ATP2B2: variants seen among roughly 807,000 people sequenced by gnomAD.
ATP2B2 encodes the protein ATPase plasma membrane Ca2+ transporting 2.
In ATP2B2, 15 loss-of-function variants were observed where a neutral mutation model predicts 120.0. The observed-to-expected ratio is 0.12, with a 90% CI of 0.08 to 0.19. The LOEUF (loss-of-function observed/expected upper bound fraction) is 0.19, where lower values mean the gene tolerates loss of function less well. Among genes scored for constraint, ATP2B2 ranks in the 10% least tolerant of loss-of-function variants. The pLI, the probability that ATP2B2 is intolerant of heterozygous loss-of-function variation, is 1.00. For missense variants in ATP2B2, 1,045 were observed against 1,719.8 expected (o/e 0.61, Z 6.94); for synonymous variants, 694 against 700.3 (o/e 0.99, Z 0.14).
At chr3:10,541,367 G>T (rs1019397673) in intron 2 of ATP2B2, among the ~76,000 whole-genome samples, 6 of 151,980 alleles carry the variant, frequency 3.9e-5, no homozygotes, top group Admixed American at 2.0e-4. Context: ...TTAGATTGTT[G>T]ATTTCAGAAT....
intron 8 of ATP2B2, among the ~76,000 whole-genome samples, chr3:10,380,330 C>T (rs73131227): frequency 0.011 from 1,745 of 152,140 alleles, 39 homozygotes; most frequent in African/African-American, 0.04. Flanking sequence ...GCTCTGCCTG[C>T]TCTGCCAACA....
At chr3:10,420,488 A>C (rs1174007942) in intron 2 of ATP2B2, among the ~76,000 whole-genome samples, 1 of 151,842 alleles carries the variant, frequency 6.6e-6, no homozygotes, top group African/African-American at 2.4e-5. Flanking sequence ...CGGCCCCCCG[A>C]GTAGCTGGGG....
chr3:10,656,011 G>A (rs1374048109), intron 1 of ATP2B2, among the ~76,000 whole-genome samples: 1 of 152,204 alleles, frequency 6.6e-6, no homozygotes, highest in African/African-American at 2.4e-5. Flanking sequence ...ACAATCCCTG[G>A]ATTGATGAGT....
chr3:10,459,503 G>C (rs1337653805), intron 1 of ATP2B2, among the ~76,000 whole-genome samples: 2 of 151,882 alleles, frequency 1.3e-5, no homozygotes, highest in Non-Finnish European at 2.9e-5. Context: ...ATCCTCTCTT[G>C]CACTGCCCAA....
At chr3:10,556,252 C>A (rs924611218) in intron 2 of ATP2B2, among the ~76,000 whole-genome samples, 1 of 152,114 alleles carries the variant, frequency 6.6e-6, no homozygotes, top group African/African-American at 2.4e-5. Flanking sequence ...GTTCTCCAGG[C>A]CAGGGATATG....
intron 16 of ATP2B2, among the ~76,000 whole-genome samples, chr3:10,349,512 C>T (rs971583638): frequency 3.3e-5 from 5 of 152,040 alleles, no homozygotes; most frequent in African/African-American, 1.2e-4. Flanking sequence ...CACCTAGGCT[C>T]AGCAAGTGGT....
chr3:10,403,625 T>C (rs1319880657), intron 3 of ATP2B2, among the ~76,000 whole-genome samples: 2 of 152,148 alleles, frequency 1.3e-5, no homozygotes, highest in Non-Finnish European at 2.9e-5. Flanking sequence ...GCCATTTCCA[T>C]GGAAAGGAAT....
At chr3:10,462,934 C>T (rs1022793903) in intron 1 of ATP2B2, among the ~76,000 whole-genome samples, 1 of 152,142 alleles carries the variant, frequency 6.6e-6, no homozygotes, top group Non-Finnish European at 1.5e-5. Flanking sequence ...GTGTTGGGTC[C>T]CACTGAGGGA....
Position 10,366,239 on chromosome 3 carries a change from C to A in ATP2B2, c.1659+5570G>T, listed in dbSNP as rs572821641. 1.2e-4 allele frequency among the ~76,000 whole-genome samples: 19 copies of A among 152,212 alleles called. No individual in the cohort carries two copies. In the East Asian group the frequency reaches 3.7e-3, roughly 29 times the overall value. On this transcript the variant is annotated intron_variant, in intron 12 of 22. Transcript: ENST00000360273. ...CTGAATTCAAGGGCTGTCTCTGCTT[C>A]CCCCCTTCCCCTTTCTCCTCGGCCC...
At chr3:10,479,878 C>G (rs560492307) in intron 1 of ATP2B2, among the ~76,000 whole-genome samples, 23 of 152,232 alleles carry the variant, frequency 1.5e-4, no homozygotes, top group African/African-American at 5.5e-4. Context: ...ATTGCTTGAG[C>G]CCAGGAATTT....
intron 2 of ATP2B2, among the ~76,000 whole-genome samples, chr3:10,597,213 C>A (rs1014716385): frequency 7.1e-6 from 1 of 140,168 alleles, no homozygotes; most frequent in Non-Finnish European, 1.5e-5. Context: ...GCACAGGAAC[C>A]TAGGCACACA....
At chr3:10,442,589 T>C (rs1302838584) in intron 2 of ATP2B2, among the ~76,000 whole-genome samples, 1 of 152,224 alleles carries the variant, frequency 6.6e-6, no homozygotes, top group African/African-American at 2.4e-5. Flanking sequence ...ACTGTGCTTT[T>C]GAAGGATTTT....
chr3:10,584,371 C>T (rs566913896), intron 2 of ATP2B2, among the ~76,000 whole-genome samples: 1 of 152,284 alleles, frequency 6.6e-6, no homozygotes, highest in East Asian at 1.9e-4. Flanking sequence ...AGGGCTTTAC[C>T]TTGGGAACTT....
chr3:10,540,987 G>C (rs2067426410), intron 2 of ATP2B2, among the ~76,000 whole-genome samples: 1 of 151,936 alleles, frequency 6.6e-6, no homozygotes, highest in Admixed American at 6.6e-5. Flanking sequence ...TGGGTGAATT[G>C]TGGTAGTTCG....
intron 1 of ATP2B2, among the ~76,000 whole-genome samples, chr3:10,625,171 G>A (rs1381675429): frequency 6.6e-6 from 1 of 152,254 alleles, no homozygotes; most frequent in Non-Finnish European, 1.5e-5. Flanking sequence ...CTGGCTGCAC[G>A]AGGCCACCTG....
At chr3:10,619,457 A>G (rs2069486509) in intron 2 of ATP2B2, among the ~76,000 whole-genome samples, 1 of 152,230 alleles carries the variant, frequency 6.6e-6, no homozygotes, top group African/African-American at 2.4e-5. Context: ...TGATGGCGTT[A>G]AAAGATACTG....
At chr3:10,669,486 T>A (rs1044083010) in intron 1 of ATP2B2, among the ~76,000 whole-genome samples, 1 of 152,092 alleles carries the variant, frequency 6.6e-6, no homozygotes, top group Non-Finnish European at 1.5e-5. Context: ...CCTCTCAACC[T>A]CATCTCTTTC....
chr3:10,409,267 T>G (rs2062524617), intron 3 of ATP2B2, among the ~76,000 whole-genome samples: 2 of 152,234 alleles, frequency 1.3e-5, no homozygotes, highest in African/African-American at 4.8e-5. Context: ...GATCCCAGAA[T>G]TCTCGTAAAG....
chr3:10,408,936 T>C (rs1187148558), intron 3 of ATP2B2, among the ~76,000 whole-genome samples: 1 of 152,172 alleles, frequency 6.6e-6, no homozygotes, highest in Non-Finnish European at 1.5e-5. Flanking sequence ...GTCTGAGTCA[T>C]GGTTTTGCTA....
Sources: allele counts gnomAD v4.1 joint callset (sites outside exome capture counted in the v4.1 genomes callset), GRCh38; gene constraint gnomAD v4.1.1; transcripts MANE v1.5; gene names NCBI Gene and HGNC (gene_info 2026-07-23, HGNC 2026-07-21).